TGM6: variants seen among roughly 807,000 people sequenced by gnomAD.
The protein encoded by TGM6 is transglutaminase 6, also known as protein-glutamine gamma-glutamyltransferase 6.
Under a neutral mutation model 77.5 loss-of-function variants are expected in TGM6, and 74 were observed. The ratio of observed to expected loss-of-function variants is 0.96; its 90% CI spans 0.79 to 1.16. TGM6 has a LOEUF of 1.16. Among genes scored for constraint, TGM6 ranks in the 50% most tolerant of loss-of-function variants. The pLI is 0.00. For missense variants in TGM6, 968 were observed against 940.2 expected, an observed-to-expected ratio of 1.03 and a Z score of -0.39; for synonymous variants, 383 against 378.9, an observed-to-expected ratio of 1.01 and a Z score of -0.12.
chr20:2,406,213 C>A (rs759973560), intron 9 of TGM6, among the ~76,000 whole-genome samples: 1 of 152,206 alleles, frequency 6.6e-6, no homozygotes, highest in Non-Finnish European at 1.5e-5. Flanking sequence ...CTCTTCTGAG[C>A]TGCCACCTCT....
At chr20:2,429,340 C>G (rs1320728973) in intron 10 of TGM6, among the ~76,000 whole-genome samples, 1 of 151,772 alleles carries the variant, frequency 6.6e-6, no homozygotes, top group Non-Finnish European at 1.5e-5. Flanking sequence ...AACTCAGATG[C>G]CTTCAGAGTC....
Position 2,395,260 on chromosome 20 carries a change from A to G in TGM6, c.248A>G (p.Glu83Gly). Residue 83 changes from glutamate (E) to glycine (G), a missense_variant, in exon 3 of 13, where the codon GAG (glutamate) becomes GGG (glycine). Glu to Gly is a moderately conservative substitution (Grantham distance 98, BLOSUM62 -2). Coordinates refer to ENST00000202625, the MANE Select transcript of TGM6 (RefSeq NM_198994.3). Reference sequence around the variant, plus strand: ...CAGACATCGGAGCTGGAGCGGGGTGAGGGCTGGACAGCAGCAAGGGAGGCT... The same window carrying G: ...CAGACATCGGAGCTGGAGCGGGGTGGGGGCTGGACAGCAGCAAGGGAGGCT... ...VFQTSELERG[E>G]GWTAAREAQM... 1 of 1,614,082 alleles carries G rather than the reference A, an allele frequency of 6.2e-7. No homozygotes were observed. Among genetic ancestry groups the G allele is most frequent in the Non-Finnish European group, 8.5e-7 (1 of 1,179,996 alleles).
chr20:2,383,932 C>G (rs1196959314), intron 1 of TGM6, among the ~76,000 whole-genome samples: 1 of 151,812 alleles, frequency 6.6e-6, no homozygotes, highest in Admixed American at 6.6e-5. Flanking sequence ...ACGGTGAAAC[C>G]CCATCTCTAC....
chr20:2,421,767 A>G (rs1436213160), intron 10 of TGM6, among the ~76,000 whole-genome samples: 5 of 152,126 alleles, frequency 3.3e-5, no homozygotes, highest in Non-Finnish European at 5.9e-5. Flanking sequence ...TGCAGTGCAG[A>G]GTTTTTAGTT....
intron 9 of TGM6, among the ~76,000 whole-genome samples, chr20:2,416,388 C>G (rs757973929): frequency 1.3e-5 from 2 of 152,132 alleles, no homozygotes; most frequent in Non-Finnish European, 2.9e-5. Flanking sequence ...ACATGGGTGT[C>G]AAGACAATTC....
At chr20:2,426,585 C>T (rs1017736245) in intron 10 of TGM6, among the ~76,000 whole-genome samples, 4 of 152,108 alleles carry the variant, frequency 2.6e-5, no homozygotes, top group Non-Finnish European at 5.9e-5. Context: ...ACATCCTTGC[C>T]TTGTTCCTAA....
intron 1 of TGM6, among the ~76,000 whole-genome samples, chr20:2,384,678 G>A (rs560348620): frequency 6.6e-6 from 1 of 152,322 alleles, no homozygotes; most frequent in African/African-American, 2.4e-5. Flanking sequence ...GCCTGCATGT[G>A]AGCTCAAGTG....
intron 9 of TGM6, among the ~76,000 whole-genome samples, chr20:2,413,234 G>A (rs765151948): frequency 5.9e-5 from 9 of 152,256 alleles, no homozygotes; most frequent in East Asian, 3.9e-4. Flanking sequence ...TGGGCAACAT[G>A]GACGACTTCA....
At chr20:2,384,662 G>C (rs2084582097) in intron 1 of TGM6, among the ~76,000 whole-genome samples, 1 of 152,214 alleles carries the variant, frequency 6.6e-6, no homozygotes, top group African/African-American at 2.4e-5. Context: ...GCCAACGAGG[G>C]GCAAAGCCTG....
intron 9 of TGM6, among the ~76,000 whole-genome samples, chr20:2,409,087 A>G (rs927939407): frequency 6.6e-6 from 1 of 152,210 alleles, no homozygotes; most frequent in South Asian, 2.1e-4. Flanking sequence ...CAGCCATAAA[A>G]TAAGCCTCAG....
intron 9 of TGM6, among the ~76,000 whole-genome samples, chr20:2,415,227 G>A (rs2084807865): frequency 6.6e-6 from 1 of 152,118 alleles, no homozygotes; most frequent in Non-Finnish European, 1.5e-5. Flanking sequence ...AAAGAACCTT[G>A]GTGTTCACAG....
chr20:2,409,762 G>A (rs568069361), intron 9 of TGM6, among the ~76,000 whole-genome samples: 1 of 148,412 alleles, frequency 6.7e-6, no homozygotes, highest in Non-Finnish European at 1.5e-5. Flanking sequence ...ACCTAAAAAA[G>A]CAGAAAGAGG....
intron 1 of TGM6, among the ~76,000 whole-genome samples, chr20:2,394,070 A>G (rs2122344028): frequency 6.6e-6 from 1 of 152,210 alleles, no homozygotes; most frequent in African/African-American, 2.4e-5. Flanking sequence ...CAGGCAGATC[A>G]CCTGAGGTCA....
At chr20:2,403,106 T>C (rs1042330216) in intron 7 of TGM6, among the ~76,000 whole-genome samples, 1 of 152,248 alleles carries the variant, frequency 6.6e-6, no homozygotes, top group Non-Finnish European at 1.5e-5. Context: ...TTTGCCTGTC[T>C]CCTTTGTTAG....
intron 9 of TGM6, among the ~76,000 whole-genome samples, chr20:2,410,583 C>T (rs7263876): frequency 0.11 from 17,282 of 152,116 alleles, 1,033 homozygotes; most frequent in African/African-American, 0.15. Flanking sequence ...TGAGTAACCC[C>T]GAGTAACCAA....
rs773464707 is a variant in TGM6 at position 2,394,496 on chromosome 20, G to GGGTA, written c.52_53insGGTA (p.Ala18GlyfsTer13). The GGGTA allele has an allele frequency of 9.9e-5, 159 of 1,611,578 alleles. No homozygotes were observed. Among genetic ancestry groups the GGGTA allele is most frequent in the Non-Finnish European group, 1.3e-4 (150 of 1,179,842 alleles). On this transcript the variant is annotated frameshift_variant, in exon 2 of 13. Transcript: ENST00000202625. LOFTEE classifies it high-confidence loss of function. ...GGACTGGCAGCGGTCGAGGAATGGC[G>GGGTA]CTGCCCACCACACCCAGGAGTACCC... is the stretch of plus-strand genomic sequence containing the variant.
At chr20:2,393,195 G>A (rs942441104) in intron 1 of TGM6, among the ~76,000 whole-genome samples, 14 of 152,344 alleles carry the variant, frequency 9.2e-5, no homozygotes, top group African/African-American at 2.9e-4. Context: ...CACAGAGTGC[G>A]GAAAAATTGT....
chr20:2,421,393 C>T (rs570837896), intron 10 of TGM6, among the ~76,000 whole-genome samples: 5 of 152,322 alleles, frequency 3.3e-5, no homozygotes, highest in Admixed American at 6.5e-5. Context: ...GTGGCTGTAT[C>T]ATTTTGAATT....
At chr20:2,411,465 AC>A (rs200162772) in intron 9 of TGM6, among the ~76,000 whole-genome samples, 8 of 152,034 alleles carry the variant, frequency 5.3e-5, no homozygotes, top group Non-Finnish European at 7.4e-5. Flanking sequence ...ATAAAAAAAA[AC>A]ACTCAACAAA....
Sources: allele counts gnomAD v4.1 joint callset (sites outside exome capture counted in the v4.1 genomes callset), GRCh38; gene constraint gnomAD v4.1.1; transcripts MANE v1.5; gene names NCBI Gene and HGNC (gene_info 2026-07-23, HGNC 2026-07-21).